Variants in CAPN7 observed in about 807,000 individuals in gnomAD.
CAPN7 encodes calpain 7.
In CAPN7, 72 loss-of-function variants were observed where a neutral mutation model predicts 115.2. That is an observed-to-expected ratio of 0.63 (90% confidence interval 0.52 to 0.76). CAPN7 has a LOEUF of 0.76. CAPN7 is among the 30% of genes least tolerant of loss of function. The pLI is 0.00. For missense variants in CAPN7, 905 were observed against 971.5 expected (o/e 0.93, Z 0.91); for synonymous variants, 344 against 322.3 (o/e 1.07, Z -0.72).
intron 17 of CAPN7, 77 bp downstream of exon 17, chr3:15,245,748 A>T (rs1695621913): frequency 1.7e-6 from 2 of 1,209,648 alleles, no homozygotes; most frequent in Admixed American, 3.0e-5. Flanking sequence ...AAGTGGTATT[A>T]TCTGGAGAAA....
chr3:15,212,322 A>G (rs751797792), intron 2 of CAPN7, 110 bp downstream of exon 2: 17 of 601,334 alleles, frequency 2.8e-5, no homozygotes, highest in Non-Finnish European at 4.1e-5. Flanking sequence ...CTTGATGCTC[A>G]CTCTGTTGCT....
intron 1 of CAPN7, among the ~76,000 whole-genome samples, chr3:15,211,545 C>T (rs903007973): frequency 6.6e-6 from 1 of 151,872 alleles, no homozygotes; most frequent in African/African-American, 2.4e-5. Flanking sequence ...TTGGGCGTGT[C>T]CTGTGGCTTT....
chr3:15,217,716 T>C lies in CAPN7; in HGVS notation c.369+134T>C, dbSNP rs17040847. 13,384 of 619,038 alleles carry C rather than the reference T, an allele frequency of 0.022. 1,378 individuals are homozygous for C. The African/African-American group carries it at 0.22, about 10-fold the overall frequency. The allele number at this position is 619,038 out of a possible 1,614,324, so 38.3% of individuals were successfully genotyped here. On this transcript the variant is annotated intron_variant, in intron 3 of 20. Coordinates refer to ENST00000253693, the MANE Select transcript of CAPN7 (RefSeq NM_014296.3). ...AAATTATTTTAAATGTAACAACTAC[T>C]CCTCAATATAAGATGATGAGTAGAA...
At chr3:15,208,096 T>C (rs932127381) in intron 1 of CAPN7, among the ~76,000 whole-genome samples, 1 of 152,192 alleles carries the variant, frequency 6.6e-6, no homozygotes, top group African/African-American at 2.4e-5. Flanking sequence ...TAGGAATTTT[T>C]CAACTCCATT....
Position 15,220,886 on chromosome 3 carries a change from TAA to T in CAPN7, c.544_545del (p.Asn182SerfsTer4). The T allele has an allele frequency of 6.2e-7, 1 of 1,614,174 alleles. No homozygotes were observed. Reference sequence around the variant, plus strand: ...TGAGAGCACATTTTCCACTGGGCGCTAATCCCTTCCTTGAAAGACCTCAGTCA... The same window carrying T: ...TGAGAGCACATTTTCCACTGGGCGCTTCCCTTCCTTGAAAGACCTCAGTCA... ...PVRAHFPLGA[N>X]PFLERPQSFI... On this transcript the variant is annotated frameshift_variant, in exon 5 of 21. Coordinates refer to ENST00000253693, the MANE Select transcript of CAPN7 (RefSeq NM_014296.3). LOFTEE classifies it high-confidence loss of function.
chr3:15,249,767 T>A (rs1695892103), intron 19 of CAPN7, among the ~76,000 whole-genome samples: 1 of 151,800 alleles, frequency 6.6e-6, no homozygotes, highest in Non-Finnish European at 1.5e-5. Context: ...ATAACAATTT[T>A]TTTTTTCTTT....
At chr3:15,219,333 A>G (rs554106677) in intron 4 of CAPN7, among the ~76,000 whole-genome samples, 65 of 152,248 alleles carry the variant, frequency 4.3e-4, no homozygotes, top group South Asian at 4.1e-4. Context: ...TTATACCTAC[A>G]TCATGAATTA....
At chr3:15,228,852 A>G in intron 7 of CAPN7, 122 bp from the exon 8 acceptor site, 1 of 701,298 alleles carries the variant, frequency 1.4e-6, no homozygotes, top group East Asian at 2.8e-5. Context: ...CGAACCTAAA[A>G]TAGAAGTTTT....
chr3:15,210,900 A>G, intron 1 of CAPN7: 1 of 1,274,602 alleles, frequency 7.8e-7, no homozygotes, highest in Non-Finnish European at 1.0e-6. Flanking sequence ...TGAAGTGTAC[A>G]CGCTTGGGTT....
In CAPN7 at chr3:15,212,216, A is replaced by G. The variant is rs1413266624; in HGVS notation, c.211+4A>G. The G allele has an allele frequency of 5.3e-6, 8 of 1,503,224 alleles. No individual in the cohort carries two copies. Among genetic ancestry groups the G allele is most frequent in the African/African-American group, 1.4e-5 (1 of 72,092 alleles). The allele number at this position is 1,503,224 out of a possible 1,614,324, so 93.1% of individuals were successfully genotyped here. A position where few individuals can be genotyped will look rare whatever the true frequency, so the allele number is the denominator to read the frequency against. Reference sequence around the variant, plus strand: ...GTTCAAGCTCTACATTCAGCAGGTTAGTAAAGGACTACTAAACTTGTCACT... The same window carrying G: ...GTTCAAGCTCTACATTCAGCAGGTTGGTAAAGGACTACTAAACTTGTCACT... On this transcript the variant is annotated splice_donor_region_variant and intron_variant, in intron 2 of 20. Coordinates refer to ENST00000253693, the MANE Select transcript of CAPN7 (RefSeq NM_014296.3).
intron 1 of CAPN7, 98 bp downstream of exon 1, chr3:15,206,695 C>G: frequency 1.1e-6 from 1 of 879,526 alleles, no homozygotes; most frequent in Non-Finnish European, 1.7e-6. Flanking sequence ...GGCTAGCGGC[C>G]CCGGCTTTGC....
chr3:15,229,218 AC>A (rs1575201134), intron 8 of CAPN7, among the ~76,000 whole-genome samples, 159 bp downstream of exon 8: 1 of 152,368 alleles, frequency 6.6e-6, no homozygotes, highest in East Asian at 1.9e-4. Context: ...GTGGAAAGAT[AC>A]GCTAAAACAG....
chr3:15,212,333 G>T, intron 2 of CAPN7, 121 bp downstream of exon 2: 1 of 562,904 alleles, frequency 1.8e-6, no homozygotes. Flanking sequence ...CTCTGTTGCT[G>T]CTCATTCCAC....
At chr3:15,240,876 G>A in intron 14 of CAPN7, 23 bp downstream of exon 14, 1 of 1,398,370 alleles carries the variant, frequency 7.2e-7, no homozygotes, top group Non-Finnish European at 1.0e-6. Context: ...ACATTGCAGA[G>A]TATGCTTTAT....
chr3:15,208,165 G>C (rs1014965616), intron 1 of CAPN7, among the ~76,000 whole-genome samples: 2 of 150,612 alleles, frequency 1.3e-5, no homozygotes, highest in African/African-American at 4.9e-5. Context: ...ATGTTATGTG[G>C]TGTGTGACTA....
At chr3:15,245,464 T>A (rs1467538655) in intron 16 of CAPN7, 62 bp from the exon 17 acceptor site, 1 of 1,503,988 alleles carries the variant, frequency 6.6e-7, no homozygotes, top group Admixed American at 2.1e-5. Context: ...TTTTCCTACA[T>A]CAACCATAAA....
intron 2 of CAPN7, among the ~76,000 whole-genome samples, chr3:15,216,964 A>G (rs112115623): frequency 1.3e-5 from 2 of 151,804 alleles, no homozygotes; most frequent in African/African-American, 4.8e-5. Context: ...AAGGCTGGGC[A>G]TGGTGGCTCA....
chr3:15,217,470 A>T lies in CAPN7; in HGVS notation c.257A>T (p.Asp86Val). 1.2e-6 allele frequency: 2 copies of T among 1,613,842 alleles called. No individual in the cohort carries two copies. The highest frequency in any genetic ancestry group is 1.1e-5 in the South Asian group (1 of 91,066). Residue 86 changes from aspartate (D) to valine (V), a missense_variant, in exon 3 of 21, where the codon GAC (aspartate) becomes GTC (valine). Physicochemically the swap from Asp to Val is radical, Grantham distance 152. Coordinates refer to ENST00000253693, the MANE Select transcript of CAPN7 (RefSeq NM_014296.3). ...ADPLKSKHQL[D>V]LERAHFLVTQ... ...CCTTTGAAGTCAAAACATCAGTTGGACTTAGAGCGTGCTCATTTCCTTGTT... is the reference window on the plus strand; with the variant it reads ...CCTTTGAAGTCAAAACATCAGTTGGTCTTAGAGCGTGCTCATTTCCTTGTT...
Position 15,224,785 on chromosome 3 carries a change from G to A in CAPN7, c.725+1224G>A, listed in dbSNP as rs537174152. Among the ~76,000 whole-genome samples the A allele has an allele frequency of 4.5e-4, 69 of 151,936 alleles. 2 individuals are homozygous for A. In the South Asian group the frequency reaches 0.014, roughly 32 times the overall value. On this transcript the variant is annotated intron_variant, in intron 6 of 20. Transcript: ENST00000253693. ...GGATGCTTACTATATAGAATATGAA[G>A]GCTCTGTAAAGAACAAAAGGGCTGC...
Sources: allele counts gnomAD v4.1 joint callset (sites outside exome capture counted in the v4.1 genomes callset), GRCh38; gene constraint gnomAD v4.1.1; transcripts MANE v1.5; gene names NCBI Gene and HGNC (gene_info 2026-07-23, HGNC 2026-07-21).